PTPRG: variants seen among roughly 807,000 people sequenced by gnomAD.
The protein encoded by PTPRG is receptor-type tyrosine-protein phosphatase gamma.
In PTPRG, 102 loss-of-function variants were observed where a neutral mutation model predicts 165.3. The observed-to-expected ratio is 0.62, with a 90% CI of 0.53 to 0.73. PTPRG has a LOEUF of 0.73. Ranked by LOEUF, PTPRG falls within the 30% of genes least tolerant of loss-of-function variation. The probability of loss-of-function intolerance (pLI) is 0.00; values close to 1 mark genes in which losing one functional copy is unlikely to be tolerated. For synonymous variants in PTPRG, 675 were observed against 669.5 expected, an observed-to-expected ratio of 1.01 and a Z score of -0.13; for missense variants, 1,866 against 1,861.4, an observed-to-expected ratio of 1.00 and a Z score of -0.05.
rs1448659079 is a variant in PTPRG at position 62,231,293 on chromosome 3, G to A, written c.2357G>A (p.Arg786Lys). 2.5e-6 allele frequency: 4 copies of A among 1,597,328 alleles called. No homozygotes were observed. Among genetic ancestry groups the A allele is most frequent in the South Asian group, 2.3e-5 (2 of 88,018 alleles). ...CGTGAAGTGCCTTCTTCTGGGGAGA[G>A]AGGAGAGAAGGGGAGCAGGTGAGGG... ...RFREVPSSGERGEKGSRKCFQ... is the reference protein window; with the variant it reads ...RFREVPSSGEKGEKGSRKCFQ... Residue 786 changes from arginine to lysine, a missense_variant, in exon 14 of 30, where the codon AGA (arginine) becomes AAA (lysine). This residue lies in a region of PTPRG where 1,452 missense variants were observed against 1,463.0 expected (regional missense o/e 0.99). Transcript: ENST00000474889.
chr3:61,714,610 C>G (rs2031720844), intron 1 of PTPRG, among the ~76,000 whole-genome samples: 1 of 152,168 alleles, frequency 6.6e-6, no homozygotes, highest in South Asian at 2.1e-4. Context: ...AATCCAGGCT[C>G]TTTCTCAAGT....
chr3:61,858,116 G>C (rs1218858770), intron 2 of PTPRG, among the ~76,000 whole-genome samples: 1 of 152,176 alleles, frequency 6.6e-6, no homozygotes, highest in Non-Finnish European at 1.5e-5. Flanking sequence ...CATTTGTATT[G>C]TGGGCGTTGG....
chr3:62,285,355 G>GT (rs531375433), intron 28 of PTPRG, among the ~76,000 whole-genome samples: 89 of 152,246 alleles, frequency 5.8e-4, no homozygotes, highest in African/African-American at 1.9e-3. Flanking sequence ...TTTTCAAAGT[G>GT]TTTTTAAGCT....
chr3:62,189,430 T>C (rs1370331010), intron 8 of PTPRG, among the ~76,000 whole-genome samples: 1 of 152,150 alleles, frequency 6.6e-6, no homozygotes, highest in Non-Finnish European at 1.5e-5. Context: ...CCTGGTGGGC[T>C]GCAGGGCATG....
intron 2 of PTPRG, among the ~76,000 whole-genome samples, chr3:61,897,535 A>G (rs974217049): frequency 1.3e-5 from 2 of 152,020 alleles, no homozygotes; most frequent in Non-Finnish European, 2.9e-5. Flanking sequence ...TTCTCTCTCG[A>G]TTGTTCTGTC....
At chr3:62,132,229 G>A (rs1703542352) in intron 5 of PTPRG, among the ~76,000 whole-genome samples, 1 of 152,212 alleles carries the variant, frequency 6.6e-6, no homozygotes, top group South Asian at 2.1e-4. Flanking sequence ...ACCAGAAGAT[G>A]TTGAAATTTT....
chr3:62,084,508 G>C (rs1030668168), intron 5 of PTPRG, among the ~76,000 whole-genome samples: 3 of 152,050 alleles, frequency 2.0e-5, no homozygotes, highest in African/African-American at 7.3e-5. Context: ...CAAATGCTTT[G>C]CAAGTTGCGA....
chr3:62,231,394 T>C (rs943499844), intron 14 of PTPRG, 83 bp downstream of exon 14: 12 of 1,161,622 alleles, frequency 1.0e-5, no homozygotes, highest in Non-Finnish European at 9.4e-6. Flanking sequence ...GCCATGGGGA[T>C]TGAAGTCTTG....
chr3:61,659,663 T>C (rs1020517904), intron 1 of PTPRG, among the ~76,000 whole-genome samples: 1 of 152,186 alleles, frequency 6.6e-6, no homozygotes, highest in African/African-American at 2.4e-5. Flanking sequence ...GATTAATGGA[T>C]AGAGACTGCT....
chr3:61,701,525 T>C (rs1331125464), intron 1 of PTPRG, among the ~76,000 whole-genome samples: 3 of 152,222 alleles, frequency 2.0e-5, no homozygotes, highest in Admixed American at 2.0e-4. Flanking sequence ...ATTTAGTGAC[T>C]AATTTTTCTA....
chr3:61,918,990 C>G (rs2039009863), intron 2 of PTPRG, among the ~76,000 whole-genome samples: 2 of 152,122 alleles, frequency 1.3e-5, no homozygotes. Flanking sequence ...GAGGGTGGGA[C>G]TAGGCAATCT....
At chr3:61,662,143 A>G (rs1702685209) in intron 1 of PTPRG, among the ~76,000 whole-genome samples, 1 of 152,196 alleles carries the variant, frequency 6.6e-6, no homozygotes, top group Admixed American at 6.5e-5. Context: ...TCATTTGAAC[A>G]TATGTCCACA....
At chr3:62,084,874 C>G (rs377049929) in intron 5 of PTPRG, among the ~76,000 whole-genome samples, 8 of 152,294 alleles carry the variant, frequency 5.3e-5, no homozygotes, top group East Asian at 3.9e-4. Flanking sequence ...ATCATTATGT[C>G]TCTTACACAC....
At chr3:61,782,697 T>G (rs1348861016) in intron 2 of PTPRG, among the ~76,000 whole-genome samples, 1 of 152,242 alleles carries the variant, frequency 6.6e-6, no homozygotes, top group Non-Finnish European at 1.5e-5. Flanking sequence ...CTAGTTGACC[T>G]GGCGCATTTT....
intron 4 of PTPRG, among the ~76,000 whole-genome samples, chr3:62,044,834 C>T (rs186574927): frequency 1.2e-4 from 18 of 152,274 alleles, no homozygotes; most frequent in African/African-American, 4.1e-4. Context: ...TTCTTATTTA[C>T]TTTGTCCTGT....
At chr3:61,724,954 T>C (rs2032196441) in intron 1 of PTPRG, among the ~76,000 whole-genome samples, 1 of 152,174 alleles carries the variant, frequency 6.6e-6, no homozygotes, top group African/African-American at 2.4e-5. Context: ...CAAGGCTCTT[T>C]ATAGCACAAA....
chr3:61,835,885 G>C (rs1230958343), intron 2 of PTPRG, among the ~76,000 whole-genome samples: 2 of 151,538 alleles, frequency 1.3e-5, no homozygotes, highest in African/African-American at 4.8e-5. Flanking sequence ...TGTTAAAAAT[G>C]CAAAATTAGC....
chr3:61,804,523 C>G (rs529199065), intron 2 of PTPRG, among the ~76,000 whole-genome samples: 1 of 152,256 alleles, frequency 6.6e-6, no homozygotes, highest in East Asian at 1.9e-4. Flanking sequence ...ATTCGGCAAC[C>G]TTTTGTATGA....
chr3:62,255,150 C>A lies in PTPRG; in HGVS notation c.2494C>A (p.Gln832Lys), dbSNP rs773548210. The A allele has an allele frequency of 1.2e-6, 2 of 1,612,912 alleles. No individual in the cohort carries two copies. The highest frequency in any genetic ancestry group is 8.5e-7 in the Non-Finnish European group (1 of 1,179,470). Residue 832 changes from glutamine to lysine, a missense_variant, in exon 16 of 30, where the codon CAG becomes AAG. Physicochemically the swap from Gln to Lys is moderately conservative, Grantham distance 53. Around this residue, in one of 3 missense-constraint regions of PTPRG, gnomAD observed 1,452 missense variants for 1,463.0 expected, o/e 0.99. Coordinates refer to ENST00000474889, the MANE Select transcript of PTPRG (RefSeq NM_002841.4). The surrounding 1 kb of genome is among the most constrained non-coding windows in gnomAD (Gnocchi z 4.0). ...PDDMEAIPVK[Q>K]FVKHIGELYS... ...TGACATGGAAGCCATTCCTGTCAAA[C>A]AGTTTGTCAAACACATCGGTGAGCT...
Sources: gnomAD v4.1 joint callset for allele counts (sites outside exome capture counted in the v4.1 genomes callset) on GRCh38, gnomAD v4.1.1 for gene constraint, gnomAD v4.1.1 regional missense constraint, Gnocchi (gnomAD v3.1) non-coding constraint, MANE v1.5 for transcripts, NCBI Gene and HGNC (gene_info 2026-07-23, HGNC 2026-07-21) for gene names.